SCN3B: variants seen among roughly 807,000 people sequenced by gnomAD.
SCN3B encodes the protein sodium voltage-gated channel beta subunit 3.
A neutral mutation model predicts 25.4 loss-of-function variants in SCN3B; 11 were observed. That is an observed-to-expected ratio of 0.43 (90% CI 0.27 to 0.72). The LOEUF is 0.72. Among genes scored for constraint, SCN3B ranks in the 30% least tolerant of loss-of-function variants. The pLI is 0.18. For synonymous variants in SCN3B, 109 were observed against 110.7 expected, an observed-to-expected ratio of 0.99 and a Z score of 0.09; for missense variants, 218 against 278.3, an observed-to-expected ratio of 0.78 and a Z score of 1.54.
chr11:123,641,655 G>C (rs1031768975), intron 4 of SCN3B, among the ~76,000 whole-genome samples: 2 of 152,080 alleles, frequency 1.3e-5, no homozygotes, highest in African/African-American at 2.4e-5. Flanking sequence ...CCTGAGTTAG[G>C]CTGCTGAAAG....
chr11:123,647,182 A>C (rs1038049357), intron 2 of SCN3B, among the ~76,000 whole-genome samples: 1 of 152,182 alleles, frequency 6.6e-6, no homozygotes, highest in Non-Finnish European at 1.5e-5. Flanking sequence ...GGGATATTTG[A>C]AAGTAAGACG....
At position 123,631,445 on chromosome 11, in the gene SCN3B, G is replaced by A. The variant is rs572602259; in HGVS notation, c.*2354C>T. On this transcript the variant is annotated 3_prime_UTR_variant, in exon 7 of 7. Transcript: ENST00000299333. ...TCTATATCCTCTCCCTTATTTCAGAGGGATTGTGTGGAAAATTACCAATAA... is the reference window on the plus strand; with the variant it reads ...TCTATATCCTCTCCCTTATTTCAGAAGGATTGTGTGGAAAATTACCAATAA... 9.9e-5 allele frequency: 15 copies of A among 152,266 alleles called. No individual in the cohort carries two copies. Among genetic ancestry groups the A allele is most frequent in the Non-Finnish European group, 1.9e-4 (13 of 68,020 alleles). 9.4% of individuals were successfully genotyped at this position (152,266 alleles called of 1,614,324 possible). A position where few individuals can be genotyped will look rare whatever the true frequency, so the allele number is the denominator to read the frequency against.
intron 2 of SCN3B, among the ~76,000 whole-genome samples, chr11:123,648,762 G>A (rs377195194): frequency 2.0e-5 from 3 of 152,302 alleles, no homozygotes; most frequent in Middle Eastern, 3.4e-3. Flanking sequence ...AGGGCTCAAG[G>A]GGCCCAAAGG....
chr11:123,649,622 C>CTTTTTTCTTTCTTTCTT, intron 2 of SCN3B, among the ~76,000 whole-genome samples: 1 of 147,932 alleles, frequency 6.8e-6, no homozygotes, highest in Non-Finnish European at 1.5e-5. Context: ...TCTTTTCTTT[C>CTTTTTTCTTTCTTTCTT]TTTTTTCTTT....
At chr11:123,644,041 C>T (rs1459823436) in intron 3 of SCN3B, among the ~76,000 whole-genome samples, 2 of 152,216 alleles carry the variant, frequency 1.3e-5, no homozygotes, top group Non-Finnish European at 2.9e-5. Flanking sequence ...GTCTCTGTTA[C>T]AAATCTTTGT....
chr11:123,649,835 C>T (rs1955903316), intron 2 of SCN3B, among the ~76,000 whole-genome samples: 1 of 152,064 alleles, frequency 6.6e-6, no homozygotes, highest in Non-Finnish European at 1.5e-5. Context: ...CCCTGAGTAG[C>T]TGGGATTACA....
At chr11:123,634,515 A>C (rs975590257) in intron 5 of SCN3B, among the ~76,000 whole-genome samples, 1 of 152,186 alleles carries the variant, frequency 6.6e-6, no homozygotes, top group Non-Finnish European at 1.5e-5. Flanking sequence ...CCAAGGCAGG[A>C]AAATTGCTTG....
intron 1 of SCN3B, 39 bp downstream of exon 1, chr11:123,654,187 C>A: frequency 2.8e-6 from 1 of 355,340 alleles, no homozygotes; most frequent in Non-Finnish European, 5.4e-6. Flanking sequence ...GCACTGCTGG[C>A]CTAGCAGCCA....
chr11:123,653,652 A>C, intron 2 of SCN3B, 95 bp downstream of exon 2: 209 of 1,296,600 alleles, frequency 1.6e-4, no homozygotes, highest in Non-Finnish European at 2.1e-4. Context: ...CAAGCCAGCC[A>C]GAGCTCTTTT....
At chr11:123,635,316 T>C (rs12792092) in intron 5 of SCN3B, among the ~76,000 whole-genome samples, 2 of 152,196 alleles carry the variant, frequency 1.3e-5, no homozygotes, top group African/African-American at 4.8e-5. Flanking sequence ...ACCTGATTGG[T>C]GGCTTTTTGT....
chr11:123,642,488 C>T lies in SCN3B; in HGVS notation c.403G>A (p.Val135Met), dbSNP rs1325224144. 1 of 1,614,060 alleles carries T rather than the reference C, an allele frequency of 6.2e-7. No individual in the cohort carries two copies. Among genetic ancestry groups the T allele is most frequent in the Non-Finnish European group, 8.5e-7 (1 of 1,180,042 alleles). Residue 135 changes from valine to methionine, a missense_variant, in exon 4 of 7, where the codon GTG (valine) becomes ATG (methionine). Transcript: ENST00000299333. The surrounding 1 kb of genome is among the most constrained non-coding windows in gnomAD (Gnocchi z 4.3). ...AGGGGGATCAGCCGCGTCGTCTTCA[C>T]AAAGGGCCGATGCGCCTCAAACTCA... ...EFEFEAHRPF[V>M]KTTRLIPLRV...
At position 123,630,960 on chromosome 11, in the gene SCN3B, A is replaced by G. The variant is rs921412784; in HGVS notation, c.*2839T>C. The G allele has an allele frequency of 2.6e-5, 4 of 152,266 alleles. No individual in the cohort carries two copies. Among genetic ancestry groups the G allele is most frequent in the Non-Finnish European group, 4.4e-5 (3 of 68,044 alleles). 9.4% of individuals were successfully genotyped at this position (152,266 alleles called of 1,614,324 possible). A position where few individuals can be genotyped will look rare whatever the true frequency, so the allele number is the denominator to read the frequency against. ...GTCTACCTACCAGCTAGGTTTCCTT[A>G]TAATTTAGTAAAGCTACTTAACCTC... On this transcript the variant is annotated 3_prime_UTR_variant, in exon 7 of 7. Coordinates refer to ENST00000299333, the MANE Select transcript of SCN3B (RefSeq NM_001040151.2).
At chr11:123,644,789 GA>G (rs1338133289) in intron 3 of SCN3B, among the ~76,000 whole-genome samples, 2 of 81,674 alleles carry the variant, frequency 2.4e-5, no homozygotes, top group African/African-American at 4.3e-5. Flanking sequence ...GAGAGAGAGA[GA>G]GAGAGAGAGA....
rs576867251 is a variant in SCN3B at position 123,653,515 on chromosome 11, C to T, written c.55+232G>A. Among the ~76,000 whole-genome samples, 3 of 152,028 alleles carry T rather than the reference C, an allele frequency of 2.0e-5. No individual in the cohort carries two copies. In the East Asian group the frequency reaches 5.8e-4, roughly 29 times the overall value. ...AATGATCAGGAAACTGGAGGAAGGG[C>T]GGAAGAACCACCAAAGGAGGTTGGA... On this transcript the variant is annotated intron_variant, in intron 2 of 6. Coordinates refer to ENST00000299333, the MANE Select transcript of SCN3B (RefSeq NM_001040151.2).
At chr11:123,644,799 G>GAGAGAGAGAGAGAGAGAGAA (rs1205244244) in intron 3 of SCN3B, among the ~76,000 whole-genome samples, 2 of 27,010 alleles carry the variant, frequency 7.4e-5, no homozygotes, top group African/African-American at 3.4e-4. Flanking sequence ...GAGAGAGAGA[G>GAGAGAGAGAGAGAGAGAGAA]AATATATATA....
intron 2 of SCN3B, among the ~76,000 whole-genome samples, chr11:123,649,668 CT>C (rs1420253358): frequency 1.5e-5 from 2 of 135,260 alleles, no homozygotes. Context: ...TTCTTTCTTT[CT>C]TTTTTTCCTC....
chr11:123,638,497 C>G lies in SCN3B; in HGVS notation c.446-173G>C, dbSNP rs72552162. The G allele has an allele frequency of 1.1e-3, 919 of 835,228 alleles. 7 individuals are homozygous for G. The highest frequency in any genetic ancestry group is 2.0e-3 in the South Asian group (127 of 62,590). The allele number at this position is 835,228 out of a possible 1,614,324, so 51.7% of individuals were successfully genotyped here. Reference sequence around the variant, plus strand: ...GCCCATTGGCTTTCTCACTGACTGTCATCAGCTGCTCAGGAGCCAGGGAAG... The same window carrying G: ...GCCCATTGGCTTTCTCACTGACTGTGATCAGCTGCTCAGGAGCCAGGGAAG... On this transcript the variant is annotated intron_variant, in intron 4 of 6. Transcript: ENST00000299333.
Position 123,634,301 on chromosome 11 carries a change from A to G in SCN3B, c.585-95T>C, listed in dbSNP as rs557518201. ...GCAGGGCACAGGAGCAAGGATCTACAGAACAGCTCTGCATTTCCTTCTGCT... is the reference window on the plus strand; with the variant it reads ...GCAGGGCACAGGAGCAAGGATCTACGGAACAGCTCTGCATTTCCTTCTGCT... On this transcript the variant is annotated intron_variant, in intron 5 of 6. Transcript: ENST00000299333. 14 of 943,064 alleles carry G rather than the reference A, an allele frequency of 1.5e-5. No individual in the cohort carries two copies. The East Asian group carries it at 3.4e-4, about 23-fold the overall frequency. The allele number at this position is 943,064 out of a possible 1,614,324, so 58.4% of individuals were successfully genotyped here.
rs1213452768 is a variant in SCN3B, at chr11:123,630,320, G to A, written c.*3479C>T. On this transcript the variant is annotated 3_prime_UTR_variant, in exon 7 of 7. Coordinates refer to ENST00000299333, the MANE Select transcript of SCN3B (RefSeq NM_001040151.2). ...AGGTGCTCTCAGGGCCAACTGGATT[G>A]AGCAATCACATTCATGGCTGTGAAG... is the stretch of plus-strand genomic sequence containing the variant. 2 of 152,642 alleles carry A rather than the reference G, an allele frequency of 1.3e-5. No homozygotes were observed. Among genetic ancestry groups the A allele is most frequent in the African/African-American group, 4.8e-5 (2 of 41,424 alleles). The allele number at this position is 152,642 out of a possible 1,614,324, so 9.5% of individuals were successfully genotyped here.
Sources: gnomAD v4.1 joint callset for allele counts (sites outside exome capture counted in the v4.1 genomes callset) on GRCh38, gnomAD v4.1.1 for gene constraint, Gnocchi (gnomAD v3.1) non-coding constraint, MANE v1.5 for transcripts, NCBI Gene and HGNC (gene_info 2026-07-23, HGNC 2026-07-21) for gene names.